Variants in STK4 observed in about 807,000 individuals in gnomAD.
STK4 encodes the protein serine/threonine kinase 4, also known as serine/threonine-protein kinase 4.
Under a neutral mutation model 64.9 loss-of-function variants are expected in STK4, and 30 were observed. The observed-to-expected ratio is 0.46, with a 90% CI of 0.35 to 0.63. The LOEUF (loss-of-function observed/expected upper bound fraction) is 0.63, where lower values mean the gene tolerates loss of function less well. Among genes scored for constraint, STK4 ranks in the 20% least tolerant of loss-of-function variants. The probability of loss-of-function intolerance (pLI) is 0.01; values close to 1 mark genes in which losing one functional copy is unlikely to be tolerated. For synonymous variants in STK4, 177 were observed against 199.0 expected, an observed-to-expected ratio of 0.89 and a Z score of 0.93; for missense variants, 466 against 598.5, an observed-to-expected ratio of 0.78 and a Z score of 2.31.
intron 1 of STK4, among the ~76,000 whole-genome samples, chr20:44,966,958 G>T (rs557482802): frequency 9.7e-4 from 147 of 152,280 alleles, no homozygotes; most frequent in African/African-American, 3.2e-3. Context: ...GTGAGAATCT[G>T]TGAGGGATCT....
chr20:45,072,811 T>C (rs749886883), intron 10 of STK4, among the ~76,000 whole-genome samples: 3 of 152,184 alleles, frequency 2.0e-5, no homozygotes, highest in Non-Finnish European at 2.9e-5. Flanking sequence ...ATTAGAGACT[T>C]ACCAATCATA....
chr20:44,982,727 T>G (rs1043283104), intron 4 of STK4, among the ~76,000 whole-genome samples: 2 of 152,130 alleles, frequency 1.3e-5, no homozygotes, highest in Non-Finnish European at 2.9e-5. Flanking sequence ...CTTAATGTCT[T>G]TATGTATTCG....
chr20:45,024,824 A>G (rs1451994082), intron 9 of STK4, 149 bp from the exon 10 acceptor site: 22 of 771,488 alleles, frequency 2.9e-5, no homozygotes, highest in Non-Finnish European at 3.9e-5. Context: ...CATTTTTTGT[A>G]GTTTCACTAG....
At chr20:45,013,461 T>G (rs914810541) in intron 9 of STK4, among the ~76,000 whole-genome samples, 1 of 152,168 alleles carries the variant, frequency 6.6e-6, no homozygotes, top group Non-Finnish European at 1.5e-5. Context: ...ATTGTAAATA[T>G]TTTTTTCCAG....
intron 4 of STK4, among the ~76,000 whole-genome samples, chr20:44,986,595 C>G (rs1428882438): frequency 6.6e-6 from 1 of 152,144 alleles, no homozygotes. Flanking sequence ...GTGGAAAATA[C>G]ATTGTAGAGT....
At chr20:45,006,526 C>T (rs1430300352) in intron 9 of STK4, among the ~76,000 whole-genome samples, 5 of 151,306 alleles carry the variant, frequency 3.3e-5, no homozygotes, top group South Asian at 2.1e-4. Flanking sequence ...TGTTTGTTAT[C>T]TCTCATATTG....
Position 45,046,455 on chromosome 20 carries a change from A to G in STK4, c.1305+21325A>G, listed in dbSNP as rs115433922. Reference sequence around the variant, plus strand: ...ATCTCAAAACTAAAAGGAAAAAAAAAAAAAAGCAAATATAACCTCTGAAAA... The same window carrying G: ...ATCTCAAAACTAAAAGGAAAAAAAAGAAAAAGCAAATATAACCTCTGAAAA... On this transcript the variant is annotated intron_variant, in intron 10 of 10. Transcript: ENST00000372806. 5.8e-3 allele frequency among the ~76,000 whole-genome samples: 884 copies of G among 151,816 alleles called. 10 individuals carry two copies. The highest frequency in any genetic ancestry group is 0.021 in the African/African-American group (853 of 41,448).
chr20:45,021,809 A>G (rs1049899448), intron 9 of STK4, among the ~76,000 whole-genome samples: 1 of 152,224 alleles, frequency 6.6e-6, no homozygotes, highest in African/African-American at 2.4e-5. Context: ...AGAGGCATCC[A>G]GTATCATAAT....
chr20:45,059,061 A>C (rs1014926151), intron 10 of STK4, among the ~76,000 whole-genome samples: 3 of 152,174 alleles, frequency 2.0e-5, no homozygotes, highest in African/African-American at 7.2e-5. Flanking sequence ...TGGACACCTG[A>C]AACTGTAGAT....
chr20:44,980,741 T>C (rs1028306067), intron 3 of STK4, among the ~76,000 whole-genome samples: 1 of 152,098 alleles, frequency 6.6e-6, no homozygotes, highest in Non-Finnish European at 1.5e-5. Flanking sequence ...CGATCTCGAC[T>C]CACTGCAAGC....
chr20:44,992,554 T>C (rs2067654125), intron 5 of STK4, among the ~76,000 whole-genome samples: 2 of 152,180 alleles, frequency 1.3e-5, no homozygotes, highest in African/African-American at 4.8e-5. Context: ...TTGCTCAGGC[T>C]GGAGTGCAGT....
rs992533780 is a variant in STK4, at chr20:45,076,063, C to T, written c.*887C>T. 6.6e-6 allele frequency: 1 copy of T among 152,656 alleles called. No individual in the cohort carries two copies. The highest frequency in any genetic ancestry group is 1.5e-5 in the Non-Finnish European group (1 of 68,064). The allele number at this position is 152,656 out of a possible 1,614,324, so 9.5% of individuals were successfully genotyped here. A position where few individuals can be genotyped will look rare whatever the true frequency, so the allele number is the denominator to read the frequency against. On this transcript the variant is annotated 3_prime_UTR_variant, in exon 11 of 11. Coordinates refer to ENST00000372806, the MANE Select transcript of STK4 (RefSeq NM_006282.5). The surrounding 1 kb of genome is among the most constrained non-coding windows in gnomAD (Gnocchi z 4.0). Reference sequence around the variant, plus strand: ...AAAGGAAAAGCGTTTTTGAAGCTCTCATTGTTCATGTAAAAATCATACACG... The same window carrying T: ...AAAGGAAAAGCGTTTTTGAAGCTCTTATTGTTCATGTAAAAATCATACACG...
chr20:45,023,709 G>T (rs572648731), intron 9 of STK4, among the ~76,000 whole-genome samples: 34 of 152,002 alleles, frequency 2.2e-4, no homozygotes, highest in Non-Finnish European at 4.6e-4. Flanking sequence ...ACTAATAGCT[G>T]CTGTATTCTG....
chr20:45,054,559 CTTTT>C lies in STK4; in HGVS notation c.1306-20444_1306-20441del, dbSNP rs776492833. Among the ~76,000 whole-genome samples, 14 of 71,688 alleles carry C rather than the reference CTTTT, an allele frequency of 2.0e-4. No individual in the cohort carries two copies. In the East Asian group the frequency reaches 4.0e-3, roughly 21 times the overall value. The allele number at this position is 71,688 out of a possible 152,430, so 47.0% of individuals were successfully genotyped here. A position where few individuals can be genotyped will look rare whatever the true frequency, so the allele number is the denominator to read the frequency against. On this transcript the variant is annotated intron_variant, in intron 10 of 10. Transcript: ENST00000372806. ...CCTGGGCAACAGTGGGACACCCTATCTTTTTTTTTTTTTTTTTTCAAAAAAAAAA... is the reference window on the plus strand; with the variant it reads ...CCTGGGCAACAGTGGGACACCCTATCTTTTTTTTTTTTTTCAAAAAAAAAA...
At chr20:45,057,558 T>C (rs1015674244) in intron 10 of STK4, among the ~76,000 whole-genome samples, 7 of 152,198 alleles carry the variant, frequency 4.6e-5, no homozygotes, top group Admixed American at 4.6e-4. Flanking sequence ...AATCATGATA[T>C]TGTCCCTATT....
chr20:45,026,256 T>G (rs1359017926), intron 10 of STK4, among the ~76,000 whole-genome samples: 1 of 151,618 alleles, frequency 6.6e-6, no homozygotes, highest in Admixed American at 6.6e-5. Flanking sequence ...GTATTTAGTG[T>G]GTTAAATGGT....
chr20:44,997,016 A>C (rs998650598), intron 6 of STK4, among the ~76,000 whole-genome samples, 153 bp from the exon 7 acceptor site: 32 of 152,192 alleles, frequency 2.1e-4, no homozygotes, highest in Non-Finnish European at 7.4e-5. Context: ...TAACCATCAG[A>C]TGCTTAGACT....
intron 2 of STK4, chr20:44,975,318 C>T (rs890395580): frequency 1.0e-6 from 1 of 982,062 alleles, no homozygotes; most frequent in African/African-American, 1.8e-5. Flanking sequence ...CTATCCCTGC[C>T]TTCAGATTAC....
At chr20:44,981,503 A>G (rs185304475) in intron 3 of STK4, among the ~76,000 whole-genome samples, 1 of 152,334 alleles carries the variant, frequency 6.6e-6, no homozygotes, top group Admixed American at 6.5e-5. Flanking sequence ...ATGGACATTT[A>G]GATGATATCT....
Sources: allele counts gnomAD v4.1 joint callset (sites outside exome capture counted in the v4.1 genomes callset), GRCh38; gene constraint gnomAD v4.1.1; non-coding constraint Gnocchi (gnomAD v3.1); transcripts MANE v1.5; gene names NCBI Gene and HGNC (gene_info 2026-07-23, HGNC 2026-07-21).